The following NR5A2 variants were observed in gnomAD, a reference collection of about 807,000 sequenced individuals.
NR5A2 encodes CYP7A promoter-binding factor.
NR5A2 carries 26 observed loss-of-function variants against 62.7 expected under a neutral mutation model. The ratio of observed to expected loss-of-function variants is 0.41; its 90% CI spans 0.30 to 0.58. NR5A2 has a LOEUF of 0.58. Ranked by LOEUF, NR5A2 falls within the 20% of genes least tolerant of loss-of-function variation. NR5A2 has a pLI of 0.22. For missense variants in NR5A2, 541 were observed against 669.1 expected (o/e 0.81, Z 2.11); for synonymous variants, 246 against 241.7 (o/e 1.02, Z -0.16).
intron 5 of NR5A2, among the ~76,000 whole-genome samples, chr1:200,099,200 TC>T (rs1157506705): frequency 1.3e-5 from 2 of 152,206 alleles, no homozygotes; most frequent in African/African-American, 4.8e-5. Flanking sequence ...TAGGGACCTC[TC>T]CTTTACCTCT....
intron 2 of NR5A2, among the ~76,000 whole-genome samples, chr1:200,041,499 G>A (rs1662081497): frequency 6.6e-6 from 1 of 152,112 alleles, no homozygotes; most frequent in Admixed American, 6.5e-5. Flanking sequence ...CACCTGGGAC[G>A]CCTCCGTAGG....
intron 5 of NR5A2, among the ~76,000 whole-genome samples, chr1:200,075,758 A>G (rs2816922): frequency 0.48 from 73,082 of 151,958 alleles, 17,610 homozygotes; most frequent in Middle Eastern, 0.52. Flanking sequence ...TCCTTTTAAC[A>G]CTGTGGGCTG....
intron 5 of NR5A2, among the ~76,000 whole-genome samples, chr1:200,089,127 C>A (rs1009144920): frequency 1.3e-5 from 2 of 152,236 alleles, no homozygotes; most frequent in South Asian, 2.1e-4. Flanking sequence ...AACTCCACAG[C>A]AGCATCGTGA....
intron 5 of NR5A2, among the ~76,000 whole-genome samples, chr1:200,104,963 T>G (rs1332861615): frequency 1.3e-5 from 2 of 152,062 alleles, no homozygotes; most frequent in East Asian, 1.9e-4. Flanking sequence ...ATGCCTGGCC[T>G]TTTTTTACTT....
At chr1:200,074,136 A>C (rs1156730400) in intron 5 of NR5A2, among the ~76,000 whole-genome samples, 1 of 151,118 alleles carries the variant, frequency 6.6e-6, no homozygotes. Context: ...CATAAAAAAC[A>C]ATATAAATAG....
chr1:200,099,750 T>C (rs1268397786), intron 5 of NR5A2, among the ~76,000 whole-genome samples: 4 of 152,098 alleles, frequency 2.6e-5, no homozygotes, highest in Non-Finnish European at 5.9e-5. Flanking sequence ...CGTGCCACCA[T>C]GCCCGGCTAA....
At chr1:200,112,867 CTAAT>C (rs1337376243) in intron 6 of NR5A2, among the ~76,000 whole-genome samples, 1 of 152,174 alleles carries the variant, frequency 6.6e-6, no homozygotes, top group Admixed American at 6.5e-5. Flanking sequence ...ACTGGGCCCA[CTAAT>C]TAATTTGATT....
intron 5 of NR5A2, among the ~76,000 whole-genome samples, chr1:200,083,671 G>T (rs1313698050): frequency 6.6e-6 from 1 of 152,060 alleles, no homozygotes; most frequent in African/African-American, 2.4e-5. Context: ...ATATTGTATA[G>T]CAATGTACAG....
In NR5A2 at chr1:200,039,217, A is replaced by G. The variant is rs928073920; in HGVS notation, c.65-441A>G. Among the ~76,000 whole-genome samples the G allele has an allele frequency of 1.9e-4, 29 of 150,588 alleles. No individual in the cohort carries two copies. Among genetic ancestry groups the G allele is most frequent in the Non-Finnish European group, 8.9e-5 (6 of 67,606 alleles). On this transcript the variant is annotated intron_variant, in intron 1 of 7. Transcript: ENST00000367362. The surrounding 1 kb of genome is among the most constrained non-coding windows in gnomAD (Gnocchi z 5.1). ...GGGAGGCGAGAGAAAGAGGAGAGAGACCCCTGCCGATCCTGAGCCAGAGGG... is the reference window on the plus strand; with the variant it reads ...GGGAGGCGAGAGAAAGAGGAGAGAGGCCCCTGCCGATCCTGAGCCAGAGGG...
At chr1:200,105,106 G>A (rs1462290650) in intron 5 of NR5A2, among the ~76,000 whole-genome samples, 1 of 152,060 alleles carries the variant, frequency 6.6e-6, no homozygotes, top group Non-Finnish European at 1.5e-5. Flanking sequence ...CCATATGCGT[G>A]TGCCACCATG....
intron 6 of NR5A2, among the ~76,000 whole-genome samples, chr1:200,112,392 T>C (rs1665993971): frequency 2.0e-5 from 3 of 152,204 alleles, no homozygotes; most frequent in African/African-American, 4.8e-5. Context: ...CTTCAATCCT[T>C]TGGGTCATAC....
intron 6 of NR5A2, among the ~76,000 whole-genome samples, chr1:200,112,536 C>T (rs915735698): frequency 3.3e-5 from 5 of 152,170 alleles, no homozygotes; most frequent in Non-Finnish European, 7.4e-5. Flanking sequence ...GGGCTGTCTC[C>T]ACATCATTTG....
At position 200,123,041 on chromosome 1, in the gene NR5A2, C is replaced by T. The variant is rs147069522; in HGVS notation, c.1378+2086C>T. On this transcript the variant is annotated intron_variant, in intron 7 of 7. Coordinates refer to ENST00000367362, the MANE Select transcript of NR5A2 (RefSeq NM_205860.3). ...ACCTGTGATTAAGGGTGAAATCATA[C>T]CAGAGTCACTCTTGAAAGTTAAGGC... is the stretch of plus-strand genomic sequence containing the variant. Among the ~76,000 whole-genome samples, 889 of 152,264 alleles carry T rather than the reference C, an allele frequency of 5.8e-3. 5 individuals are homozygous for T. Among genetic ancestry groups the T allele is most frequent in the Non-Finnish European group, 9.6e-3 (656 of 68,012 alleles).
In NR5A2 at chr1:200,111,166, G is replaced by GT. The variant is rs750188465; in HGVS notation, c.1111-28dup. 4.7e-4 allele frequency: 755 copies of GT among 1,590,704 alleles called. 3 individuals are homozygous for GT. Among genetic ancestry groups the GT allele is most frequent in the South Asian group, 9.5e-4 (83 of 87,106 alleles). On this transcript the variant is annotated intron_variant, in intron 5 of 7. Transcript: ENST00000367362. ...GTAGTGAATAACAGTGTCATTTTTT[G>GT]TTTTTTTTGTTTGTTTGTTTCTATT...
intron 4 of NR5A2, among the ~76,000 whole-genome samples, chr1:200,047,446 T>G (rs990509330): frequency 6.6e-6 from 1 of 152,152 alleles, no homozygotes; most frequent in Non-Finnish European, 1.5e-5. Flanking sequence ...AATCCAAAAT[T>G]GGGTAACTCA....
intron 7 of NR5A2, among the ~76,000 whole-genome samples, chr1:200,145,141 C>G (rs569704454): frequency 8.5e-5 from 13 of 152,258 alleles, no homozygotes; most frequent in African/African-American, 3.1e-4. Context: ...GAAACCCCAT[C>G]TCTACTAAAA....
At position 200,123,316 on chromosome 1, in the gene NR5A2, A is replaced by G. The variant is rs112096662; in HGVS notation, c.1378+2361A>G. On this transcript the variant is annotated intron_variant, in intron 7 of 7. Coordinates refer to ENST00000367362, the MANE Select transcript of NR5A2 (RefSeq NM_205860.3). ...GTGAGAGAAGGTGGGATGTGGTCCC[A>G]AGCGGGTGCAGCGTTCCAAGCTAGA... is the stretch of plus-strand genomic sequence containing the variant. 8.8e-3 allele frequency among the ~76,000 whole-genome samples: 1,339 copies of G among 152,344 alleles called. 25 individuals carry two copies. Among genetic ancestry groups the G allele is most frequent in the African/African-American group, 0.031 (1,280 of 41,572 alleles).
At chr1:200,130,801 G>T (rs975031450) in intron 7 of NR5A2, among the ~76,000 whole-genome samples, 10 of 152,218 alleles carry the variant, frequency 6.6e-5, no homozygotes, top group Admixed American at 2.0e-4. Flanking sequence ...ACTGCCACTG[G>T]CTGGACTGCA....
intron 5 of NR5A2, among the ~76,000 whole-genome samples, chr1:200,095,970 G>T (rs192704511): frequency 2.6e-5 from 4 of 152,292 alleles, no homozygotes; most frequent in East Asian, 1.9e-4. Flanking sequence ...TAACTTGTGT[G>T]TAATGGCCAA....
Sources: gnomAD v4.1 joint callset for allele counts (sites outside exome capture counted in the v4.1 genomes callset) on GRCh38, gnomAD v4.1.1 for gene constraint, Gnocchi (gnomAD v3.1) non-coding constraint, MANE v1.5 for transcripts, NCBI Gene and HGNC (gene_info 2026-07-23, HGNC 2026-07-21) for gene names.